PCDHA13: variants seen among roughly 807,000 people sequenced by gnomAD.
PCDHA13 encodes the protein protocadherin alpha-13.
Under a neutral mutation model 64.8 loss-of-function variants are expected in PCDHA13, and 54 were observed. The observed-to-expected ratio is 0.83, with a 90% CI of 0.67 to 1.04. PCDHA13 has a LOEUF of 1.04. Ranked by LOEUF, PCDHA13 falls within the 50% of genes least tolerant of loss-of-function variation. The pLI, the probability that PCDHA13 is intolerant of heterozygous loss-of-function variation, is 0.00. For synonymous variants in PCDHA13, 587 were observed against 564.4 expected (o/e 1.04, Z -0.57); for missense variants, 1,248 against 1,254.3 (o/e 0.99, Z 0.08).
At chr5:140,904,280 G>A in intron 1 of PCDHA13, among the ~76,000 whole-genome samples, 1 of 151,848 alleles carries the variant, frequency 6.6e-6, no homozygotes, top group Non-Finnish European at 1.5e-5. Flanking sequence ...GAGAACATGT[G>A]GTGTTTGGTT....
At chr5:140,928,504 A>G (rs1408229072) in intron 1 of PCDHA13, 1 of 1,614,092 alleles carries the variant, frequency 6.2e-7, no homozygotes, top group African/African-American at 1.3e-5. Flanking sequence ...CAGAAGTGCA[A>G]CAGTGACTAT....
At chr5:140,977,591 A>T (rs1267599253) in intron 1 of PCDHA13, among the ~76,000 whole-genome samples, 2 of 152,164 alleles carry the variant, frequency 1.3e-5, no homozygotes, top group African/African-American at 4.8e-5. Context: ...AGCAGTTAGC[A>T]TGTGAGGACC....
intron 3 of PCDHA13, among the ~76,000 whole-genome samples, chr5:140,999,340 C>T (rs903484891): frequency 2.6e-5 from 4 of 152,146 alleles, no homozygotes; most frequent in African/African-American, 4.8e-5. Flanking sequence ...ATTTATAAGC[C>T]TTGTCTCTTT....
intron 1 of PCDHA13, among the ~76,000 whole-genome samples, chr5:140,940,470 A>G (rs182796886): frequency 4.7e-5 from 7 of 149,652 alleles, no homozygotes; most frequent in African/African-American, 9.8e-5. Flanking sequence ...GTTCCCTGCA[A>G]TTTTTTTTTT....
intron 1 of PCDHA13, chr5:140,966,994 C>T: frequency 6.2e-7 from 1 of 1,604,620 alleles, no homozygotes; most frequent in Non-Finnish European, 8.5e-7. Context: ...GGCCGGGTTG[C>T]TTGCGCATCA....
chr5:140,993,363 C>T (rs925225156), intron 3 of PCDHA13, among the ~76,000 whole-genome samples: 1 of 151,918 alleles, frequency 6.6e-6, no homozygotes, highest in Non-Finnish European at 1.5e-5. Context: ...CTCACAAAAA[C>T]TACCTCCCAG....
rs142468733 is a variant in PCDHA13, at chr5:140,884,535, C to T, written c.2267C>T (p.Pro756Leu). 2 of 1,613,918 alleles carry T rather than the reference C, an allele frequency of 1.2e-6. No individual in the cohort carries two copies. The highest frequency in any genetic ancestry group is 1.3e-5 in the African/African-American group (1 of 74,918). ...GSWSYSQQRR[P>L]RVCSGEGPHK... ...TGGTCGTACTCGCAGCAGAGGCGGC[C>T]GAGGGTGTGCTCTGGGGAGGGCCCG... The change falls in exon 1 of 4, where the codon CCG (proline) becomes CTG (leucine). Residue 756 changes from proline to leucine, a missense_variant. Physicochemically the swap from Pro to Leu is moderately conservative, Grantham distance 98. Coordinates refer to ENST00000289272, the MANE Select transcript of PCDHA13 (RefSeq NM_018904.3).
At chr5:140,960,179 G>A (rs1379423809) in intron 1 of PCDHA13, among the ~76,000 whole-genome samples, 1 of 152,106 alleles carries the variant, frequency 6.6e-6, no homozygotes, top group Non-Finnish European at 1.5e-5. Flanking sequence ...TAAGTTAGGG[G>A]TTGCATGTGT....
At position 140,884,197 on chromosome 5, in the gene PCDHA13, G is replaced by A. The variant is rs146010500; in HGVS notation, c.1929G>A (p.Pro643=). 3.1e-6 allele frequency: 5 copies of A among 1,613,234 alleles called. No homozygotes were observed. Among genetic ancestry groups the A allele is most frequent in the Non-Finnish European group, 4.2e-6 (5 of 1,179,732 alleles). ...GCCCTCTGGACGAGGTGGACGCGCC[G>A]CACCACCGCCTTCTGGTGCTGGTGA... ...TTRPLDEVDA[P]HHRLLVLVKD... Residue 643 remains proline, a synonymous_variant, in exon 1 of 4, where the codon CCG becomes CCA. Transcript: ENST00000289272.
At position 140,992,594 on chromosome 5, in the gene PCDHA13, G is replaced by T. The variant is rs782416770; in HGVS notation, c.2542+10031G>T. On this transcript the variant is annotated intron_variant, in intron 3 of 3. Coordinates refer to ENST00000289272, the MANE Select transcript of PCDHA13 (RefSeq NM_018904.3). ...ATTGCCTGCCTTGTATGCATCTAGC[G>T]TCTGTGTCTAAGTGAAAGCAGATTA... Among the ~76,000 whole-genome samples, 5 of 152,266 alleles carry T rather than the reference G, an allele frequency of 3.3e-5. No individual in the cohort carries two copies. The East Asian group carries it at 7.7e-4, about 24-fold the overall frequency.
intron 3 of PCDHA13, chr5:140,989,125 T>G (rs2097330563): frequency 6.6e-6 from 1 of 152,152 alleles, no homozygotes; most frequent in Non-Finnish European, 1.5e-5. Context: ...CTTAGAAAAA[T>G]AAGACACTTT....
At chr5:140,920,505 T>C (rs545028033) in intron 1 of PCDHA13, among the ~76,000 whole-genome samples, 1 of 152,344 alleles carries the variant, frequency 6.6e-6, no homozygotes, top group South Asian at 2.1e-4. Flanking sequence ...TTCTACATAC[T>C]GTTTTATGCA....
intron 1 of PCDHA13, among the ~76,000 whole-genome samples, chr5:140,903,075 C>T (rs2069986128): frequency 6.6e-6 from 1 of 152,114 alleles, no homozygotes; most frequent in Non-Finnish European, 1.5e-5. Flanking sequence ...TGGGTAGATA[C>T]CTGATAGTGG....
chr5:140,907,479 G>A (rs782466276), intron 1 of PCDHA13, among the ~76,000 whole-genome samples: 1 of 152,216 alleles, frequency 6.6e-6, no homozygotes, highest in Non-Finnish European at 1.5e-5. Context: ...TGCAGGATAG[G>A]CAAACCCATA....
At position 140,937,140 on chromosome 5, in the gene PCDHA13, C is replaced by T. The variant is rs553273845; in HGVS notation, c.2395-41809C>T. Among the ~76,000 whole-genome samples, 820 of 151,358 alleles carry T rather than the reference C, an allele frequency of 5.4e-3. 1 individual carries two copies. The highest frequency in any genetic ancestry group is 0.019 in the African/African-American group (789 of 41,228). On this transcript the variant is annotated intron_variant, in intron 1 of 3. Transcript: ENST00000289272. Reference sequence around the variant, plus strand: ...GCAAGCTCCGCCTCCCGGGTTCATGCCATTCTCCTGCCTCAGCCTCCCGAG... The same window carrying T: ...GCAAGCTCCGCCTCCCGGGTTCATGTCATTCTCCTGCCTCAGCCTCCCGAG...
Position 140,884,234 on chromosome 5 carries a change from G to T in PCDHA13, c.1966G>T (p.Glu656Ter), listed in dbSNP as rs375170723. ...RLLVLVKDHG[E>*]PALTATATVL... is the part of the protein sequence containing the mutation. ...TCTGGTGCTGGTGAAGGACCACGGT[G>T]AGCCCGCGCTGACGGCCACGGCAAC... The change falls in exon 1 of 4, where the codon GAG becomes TAG. Residue 656 changes from glutamate to a stop codon, truncating the protein, a stop_gained. Transcript: ENST00000289272. LOFTEE classifies it high-confidence loss of function. The T allele has an allele frequency of 3.7e-6, 6 of 1,613,500 alleles. No individual in the cohort carries two copies. The highest frequency in any genetic ancestry group is 4.2e-6 in the Non-Finnish European group (5 of 1,179,748).
intron 1 of PCDHA13, among the ~76,000 whole-genome samples, chr5:140,964,454 T>G (rs1392277569): frequency 6.6e-6 from 1 of 152,132 alleles, no homozygotes. Flanking sequence ...CTGTAATCTC[T>G]TCCTTAAGTG....
In PCDHA13 at chr5:140,928,308, C is replaced by T. The variant is rs1554205728; in HGVS notation, c.2394+43646C>T. On this transcript the variant is annotated intron_variant, in intron 1 of 3. Transcript: ENST00000289272. The stretch of plus-strand genomic sequence containing the variant: ...TAGGCCGAGTGTTTGCCCAGGACCC[C>T]GACCTGGGGAAGAATGGCCTTGTCT... 3.7e-6 allele frequency: 6 copies of T among 1,614,008 alleles called. No individual in the cohort carries two copies. The South Asian group carries it at 5.5e-5, about 15-fold the overall frequency.
At chr5:141,008,698 G>A (rs246582) in intron 3 of PCDHA13, among the ~76,000 whole-genome samples, 2,594 of 152,212 alleles carry the variant, frequency 0.017, 88 homozygotes, top group African/African-American at 0.059. Context: ...GTATTAAGTT[G>A]GTTTCTAGTT....
Sources: gnomAD v4.1 joint callset for allele counts (sites outside exome capture counted in the v4.1 genomes callset) on GRCh38, gnomAD v4.1.1 for gene constraint, MANE v1.5 for transcripts, NCBI Gene and HGNC (gene_info 2026-07-23, HGNC 2026-07-21) for gene names.